ADCY9: variants seen among roughly 807,000 people sequenced by gnomAD.
ADCY9 encodes the protein adenylate cyclase 9.
A neutral mutation model predicts 101.5 loss-of-function variants in ADCY9; 50 were observed. The observed-to-expected ratio is 0.49, with a 90% CI of 0.39 to 0.62. The LOEUF (loss-of-function observed/expected upper bound fraction) is 0.62. Among genes scored for constraint, ADCY9 ranks in the 20% least tolerant of loss-of-function variants. The pLI is 0.00. For missense variants in ADCY9, 1,662 were observed against 1,800.4 expected (o/e 0.92, Z 1.39); for synonymous variants, 905 against 769.3 (o/e 1.18, Z -2.92).
intron 10 of ADCY9, among the ~76,000 whole-genome samples, chr16:3,970,267 C>A (rs917080875): frequency 5.9e-5 from 9 of 152,160 alleles, no homozygotes; most frequent in Non-Finnish European, 1.3e-4. Flanking sequence ...CTGAGCTCAA[C>A]CAATCTGCCT....
chr16:4,059,533 G>T (rs71388558), intron 2 of ADCY9, among the ~76,000 whole-genome samples: 26,816 of 152,000 alleles, frequency 0.18, 2,584 homozygotes, highest in African/African-American at 0.26. Context: ...TAGACAAGTC[G>T]GTCAAAAACA....
At position 4,056,975 on chromosome 16, in the gene ADCY9, C is replaced by T. The variant is rs886267454; in HGVS notation, c.1694-49417G>A. On this transcript the variant is annotated intron_variant, in intron 2 of 10. Coordinates refer to ENST00000294016, the MANE Select transcript of ADCY9 (RefSeq NM_001116.4). Reference sequence around the variant, plus strand: ...GTGCCAGGCCTGCCATGACACATGGCGAGTCCTAGCAGAGGTCAGACCAAC... The same window carrying T: ...GTGCCAGGCCTGCCATGACACATGGTGAGTCCTAGCAGAGGTCAGACCAAC... 6.1e-5 allele frequency among the ~76,000 whole-genome samples: 9 copies of T among 146,356 alleles called. No individual in the cohort carries two copies. In the East Asian group the frequency reaches 6.6e-4, roughly 11 times the overall value.
chr16:4,014,433 C>T (rs1344265420), intron 2 of ADCY9, among the ~76,000 whole-genome samples: 1 of 151,254 alleles, frequency 6.6e-6, no homozygotes, highest in Non-Finnish European at 1.5e-5. Flanking sequence ...TGATCTTCTG[C>T]TTAACCAAAA....
At chr16:3,996,135 A>G (rs1053562950) in intron 3 of ADCY9, among the ~76,000 whole-genome samples, 5 of 152,164 alleles carry the variant, frequency 3.3e-5, no homozygotes, top group Admixed American at 2.0e-4. Flanking sequence ...CCGAAGCAGG[A>G]GGACTGCTTA....
chr16:4,092,119 A>G lies in ADCY9; in HGVS notation c.1693+21631T>C, dbSNP rs111750725. The stretch of plus-strand genomic sequence containing the variant: ...CCCTGTCTCTACTAAAAATACAAAA[A>G]ATTAGACAGGTGTGGTGGCGGGTGC... On this transcript the variant is annotated intron_variant, in intron 2 of 10. Transcript: ENST00000294016. Among the ~76,000 whole-genome samples, 13 of 152,296 alleles carry G rather than the reference A, an allele frequency of 8.5e-5. 1 individual carries two copies. The highest frequency in any genetic ancestry group is 3.1e-4 in the African/African-American group (13 of 41,570).
intron 2 of ADCY9, among the ~76,000 whole-genome samples, chr16:4,046,398 C>T (rs1419130547): frequency 6.6e-6 from 1 of 152,120 alleles, no homozygotes; most frequent in Non-Finnish European, 1.5e-5. Flanking sequence ...CTCACATGAG[C>T]TTTGTAAATA....
intron 3 of ADCY9, among the ~76,000 whole-genome samples, chr16:4,000,968 T>TACACACACACACACACACACACACACAC (rs141254290): frequency 4.8e-5 from 6 of 125,330 alleles, no homozygotes; most frequent in Non-Finnish European, 1.0e-4. Context: ...TCCCTCTCTC[T>TACACACACACACACACACACACACACAC]ACACACACAC....
intron 3 of ADCY9, among the ~76,000 whole-genome samples, chr16:4,005,898 T>C (rs1206890549): frequency 6.6e-6 from 1 of 152,130 alleles, no homozygotes; most frequent in Non-Finnish European, 1.5e-5. Flanking sequence ...CCATTCCCGA[T>C]TCCACCCCAC....
intron 2 of ADCY9, 93 bp from the exon 3 acceptor site, chr16:4,007,651 G>A (rs2056376117): frequency 2.8e-6 from 3 of 1,078,808 alleles, no homozygotes; most frequent in African/African-American, 3.2e-5. Flanking sequence ...ACTCACTCCT[G>A]GAAAGTTGAG....
intron 2 of ADCY9, among the ~76,000 whole-genome samples, chr16:4,010,398 C>T (rs1192440796): frequency 6.6e-6 from 1 of 152,216 alleles, no homozygotes; most frequent in Non-Finnish European, 1.5e-5. Flanking sequence ...CGGCAGTCCA[C>T]GGGGAGCACG....
intron 2 of ADCY9, among the ~76,000 whole-genome samples, chr16:4,079,933 T>A (rs1483548181): frequency 6.6e-6 from 1 of 152,034 alleles, no homozygotes. Flanking sequence ...AATAAAAAAT[T>A]AATAAAAATA....
intron 9 of ADCY9, among the ~76,000 whole-genome samples, chr16:3,974,961 C>T (rs769788545): frequency 2.6e-5 from 4 of 152,104 alleles, no homozygotes; most frequent in Admixed American, 6.6e-5. Context: ...GCTTAGCAAC[C>T]GTGATGGGAT....
At chr16:4,039,132 A>G (rs2056609602) in intron 2 of ADCY9, among the ~76,000 whole-genome samples, 1 of 152,138 alleles carries the variant, frequency 6.6e-6, no homozygotes, top group South Asian at 2.1e-4. Context: ...ACTCCTGCTA[A>G]CAGAACAGAG....
chr16:4,093,053 A>G lies in ADCY9; in HGVS notation c.1693+20697T>C, dbSNP rs182338948. Among the ~76,000 whole-genome samples, 5 of 152,372 alleles carry G rather than the reference A, an allele frequency of 3.3e-5. No individual in the cohort carries two copies. In the East Asian group the frequency reaches 9.6e-4, roughly 29 times the overall value. ...TAAAAGCCAAATAACAAGAGGCAAA[A>G]ATAACTGAGTCATCAAGAAAATTAC... On this transcript the variant is annotated intron_variant, in intron 2 of 10. Coordinates refer to ENST00000294016, the MANE Select transcript of ADCY9 (RefSeq NM_001116.4).
chr16:4,024,179 T>G (rs1343120155), intron 2 of ADCY9, among the ~76,000 whole-genome samples: 1 of 151,760 alleles, frequency 6.6e-6, no homozygotes, highest in African/African-American at 2.4e-5. Flanking sequence ...CCAACCACCA[T>G]GCCTGGCTAA....
intron 2 of ADCY9, among the ~76,000 whole-genome samples, chr16:4,097,904 T>C (rs918234933): frequency 3.3e-5 from 5 of 152,180 alleles, no homozygotes; most frequent in African/African-American, 4.8e-5. Flanking sequence ...ATATATTATA[T>C]GCCTGGCTAT....
At chr16:4,047,200 A>G (rs1344394408) in intron 2 of ADCY9, among the ~76,000 whole-genome samples, 1 of 152,202 alleles carries the variant, frequency 6.6e-6, no homozygotes, top group East Asian at 1.9e-4. Context: ...TAGGATTTAT[A>G]AAGTAAATAA....
rs901016016 is a variant in ADCY9, at chr16:4,115,645, C to A, written c.-44+45G>T. On this transcript the variant is annotated intron_variant, in intron 1 of 10. Transcript: ENST00000294016. The surrounding 1 kb of genome is among the most constrained non-coding windows in gnomAD (Gnocchi z 6.2). The stretch of plus-strand genomic sequence containing the variant: ...GGCTCAGCGGTGCTCCCACCGCCCC[C>A]ACCGCCCCCACCTTCGAGGCGCACG... 20 of 622,760 alleles carry A rather than the reference C, an allele frequency of 3.2e-5. No homozygotes were observed. The highest frequency in any genetic ancestry group is 4.8e-5 in the Non-Finnish European group (18 of 375,164). The allele number at this position is 622,760 out of a possible 1,614,324, so 38.6% of individuals were successfully genotyped here.
At chr16:4,096,787 C>T (rs1034026304) in intron 2 of ADCY9, among the ~76,000 whole-genome samples, 34 of 152,170 alleles carry the variant, frequency 2.2e-4, no homozygotes, top group Admixed American at 2.0e-3. Context: ...GGGGTTTCTT[C>T]CTTTCTCCAG....
Sources: allele counts gnomAD v4.1 joint callset (sites outside exome capture counted in the v4.1 genomes callset), GRCh38; gene constraint gnomAD v4.1.1; non-coding constraint Gnocchi (gnomAD v3.1); transcripts MANE v1.5; gene names NCBI Gene and HGNC (gene_info 2026-07-23, HGNC 2026-07-21).